The following CCDC170 variants were observed in gnomAD, a reference collection of about 807,000 sequenced individuals.
The protein encoded by CCDC170 is coiled-coil domain-containing protein 170.
A neutral mutation model predicts 72.6 loss-of-function variants in CCDC170; 69 were observed. The observed-to-expected ratio is 0.95, with a 90% CI of 0.78 to 1.16. The LOEUF is 1.16. Among genes scored for constraint, CCDC170 ranks in the 50% most tolerant of loss-of-function variants. The probability of loss-of-function intolerance (pLI) is 0.00; values close to 1 mark genes in which losing one functional copy is unlikely to be tolerated. For synonymous variants in CCDC170, 300 were observed against 303.9 expected (o/e 0.99, Z 0.13); for missense variants, 852 against 832.5 (o/e 1.02, Z -0.29).
chr6:151,565,020 T>C (rs1336456537), intron 5 of CCDC170, among the ~76,000 whole-genome samples: 2 of 152,136 alleles, frequency 1.3e-5, no homozygotes, highest in African/African-American at 4.8e-5. Context: ...TTGGCCCCAG[T>C]TGGCACCTAT....
chr6:151,604,288 A>T (rs185006520), intron 9 of CCDC170, among the ~76,000 whole-genome samples: 1 of 152,096 alleles, frequency 6.6e-6, no homozygotes, highest in Admixed American at 6.5e-5. Context: ...CCCATCTCAT[A>T]CTCAGCTCCG....
At chr6:151,617,035 G>A (rs970777591) in intron 10 of CCDC170, among the ~76,000 whole-genome samples, 3 of 152,168 alleles carry the variant, frequency 2.0e-5, no homozygotes, top group African/African-American at 4.8e-5. Context: ...CAAGGGAAGC[G>A]GGTTGCAGAG....
intron 7 of CCDC170, among the ~76,000 whole-genome samples, chr6:151,592,764 G>A (rs982054632): frequency 6.6e-6 from 1 of 152,154 alleles, no homozygotes; most frequent in East Asian, 1.9e-4. Context: ...AGCCTGAGAG[G>A]GGCATGGTTG....
At chr6:151,617,912 T>C (rs745933244) in intron 10 of CCDC170, 35 bp from the exon 11 acceptor site, 1 of 1,593,992 alleles carries the variant, frequency 6.3e-7, no homozygotes, top group Non-Finnish European at 8.6e-7. Flanking sequence ...TACATTTTGT[T>C]CTCCCAGTTA....
intron 5 of CCDC170, 59 bp from the exon 6 acceptor site, chr6:151,573,115 T>C (rs761668014): frequency 5.6e-5 from 82 of 1,466,910 alleles, no homozygotes; most frequent in Non-Finnish European, 6.4e-5. Context: ...CCATAGCAAA[T>C]GCAGGTGTAC....
At chr6:151,591,710 T>C (rs1200774860) in intron 7 of CCDC170, among the ~76,000 whole-genome samples, 1 of 152,110 alleles carries the variant, frequency 6.6e-6, no homozygotes, top group Non-Finnish European at 1.5e-5. Flanking sequence ...TTAGCCAGCA[T>C]GGTCTCCATC....
chr6:151,548,062 G>A (rs878878139), intron 4 of CCDC170, among the ~76,000 whole-genome samples: 3 of 152,128 alleles, frequency 2.0e-5, no homozygotes, highest in Non-Finnish European at 4.4e-5. Flanking sequence ...TGTGTGTTCC[G>A]TCGGGACACT....
intron 7 of CCDC170, among the ~76,000 whole-genome samples, chr6:151,589,037 T>C (rs1453315572): frequency 6.6e-6 from 1 of 152,040 alleles, no homozygotes; most frequent in East Asian, 1.9e-4. Flanking sequence ...GTGGATCACT[T>C]GAGGTCAGAA....
intron 5 of CCDC170, among the ~76,000 whole-genome samples, chr6:151,559,878 T>A (rs1349353853): frequency 6.6e-6 from 1 of 151,972 alleles, no homozygotes; most frequent in Non-Finnish European, 1.5e-5. Context: ...TCAATTTGGT[T>A]TATCCTTTCA....
intron 1 of CCDC170, among the ~76,000 whole-genome samples, chr6:151,531,054 T>C (rs1052135658): frequency 5.9e-5 from 9 of 152,218 alleles, no homozygotes; most frequent in Non-Finnish European, 1.2e-4. Flanking sequence ...TGTGCACTTT[T>C]TCTTGAATGT....
chr6:151,502,469 A>G lies in CCDC170; in HGVS notation c.57+8284A>G, dbSNP rs114946093. 1.6e-3 allele frequency among the ~76,000 whole-genome samples: 250 copies of G among 152,270 alleles called. 1 individual carries two copies. Among genetic ancestry groups the G allele is most frequent in the African/African-American group, 5.6e-3 (231 of 41,564 alleles). On this transcript the variant is annotated intron_variant, in intron 1 of 10. Transcript: ENST00000239374. ...TTCTTGAATCTTCCTTATTAGCTTC[A>G]TATAAAAATGCATTTTTCAGCATAT...
chr6:151,596,636 C>G (rs749060006), intron 9 of CCDC170, 59 bp downstream of exon 9: 1 of 1,586,624 alleles, frequency 6.3e-7, no homozygotes, highest in Non-Finnish European at 8.6e-7. Flanking sequence ...ATGTTTTATG[C>G]AAAAGAATGA....
Position 151,617,349 on chromosome 6 carries a change from T to A in CCDC170, c.1948-598T>A, listed in dbSNP as rs577440684. On this transcript the variant is annotated intron_variant, in intron 10 of 10. Coordinates refer to ENST00000239374, the MANE Select transcript of CCDC170 (RefSeq NM_025059.4). The stretch of plus-strand genomic sequence containing the variant: ...GAAATGGCAATCTGTGTGACATGAC[T>A]TGATAGTAATTTAGAAGTCCTCCTG... Among the ~76,000 whole-genome samples the A allele has an allele frequency of 1.3e-4, 20 of 149,058 alleles. No individual in the cohort carries two copies. The South Asian group carries it at 3.9e-3, about 29-fold the overall frequency.
intron 5 of CCDC170, among the ~76,000 whole-genome samples, chr6:151,551,657 G>A (rs1471232139): frequency 2.6e-5 from 4 of 152,064 alleles, no homozygotes; most frequent in African/African-American, 4.8e-5. Context: ...GCCTCCTCTC[G>A]GGAGGCCCAC....
chr6:151,587,853 TTC>T (rs1776477383), intron 7 of CCDC170, among the ~76,000 whole-genome samples: 1 of 152,196 alleles, frequency 6.6e-6, no homozygotes, highest in Non-Finnish European at 1.5e-5. Flanking sequence ...ATGACTTTTT[TTC>T]TGTGTGGTAA....
intron 1 of CCDC170, among the ~76,000 whole-genome samples, chr6:151,522,569 T>C (rs1782337996): frequency 6.6e-6 from 1 of 152,126 alleles, no homozygotes; most frequent in Admixed American, 6.5e-5. Context: ...TAGTTTAGCC[T>C]GTGCAGTCTA....
At chr6:151,566,085 A>T (rs899223116) in intron 5 of CCDC170, among the ~76,000 whole-genome samples, 7 of 152,178 alleles carry the variant, frequency 4.6e-5, no homozygotes, top group African/African-American at 1.7e-4. Context: ...ACTAGTACTG[A>T]TTTTGTCAAT....
At chr6:151,516,390 G>A (rs1441488151) in intron 1 of CCDC170, among the ~76,000 whole-genome samples, 3 of 152,182 alleles carry the variant, frequency 2.0e-5, no homozygotes, top group Non-Finnish European at 1.5e-5. Flanking sequence ...GGCTTAGAAT[G>A]TTATTTTTAG....
chr6:151,590,026 C>G (rs368100727), intron 7 of CCDC170, among the ~76,000 whole-genome samples: 1 of 152,072 alleles, frequency 6.6e-6, no homozygotes, highest in African/African-American at 2.4e-5. Context: ...CTATTTTCAC[C>G]GAGAGAATGT....
Sources: gnomAD v4.1 joint callset for allele counts (sites outside exome capture counted in the v4.1 genomes callset) on GRCh38, gnomAD v4.1.1 for gene constraint, MANE v1.5 for transcripts, NCBI Gene and HGNC (gene_info 2026-07-23, HGNC 2026-07-21) for gene names.